Variants in CTNNA3 observed in about 807,000 individuals in gnomAD.
CTNNA3 encodes the protein catenin alpha 3, also known as catenin alpha-3.
Under a neutral mutation model 95.7 loss-of-function variants are expected in CTNNA3, and 76 were observed. The observed-to-expected ratio is 0.79, with a 90% CI of 0.66 to 0.96. The LOEUF (loss-of-function observed/expected upper bound fraction) is 0.96. Ranked by LOEUF, CTNNA3 falls within the 40% of genes least tolerant of loss-of-function variation. CTNNA3 has a pLI of 0.00. For missense variants in CTNNA3, 1,191 were observed against 1,089.8 expected, an observed-to-expected ratio of 1.09 and a Z score of -1.31; for synonymous variants, 431 against 374.4, an observed-to-expected ratio of 1.15 and a Z score of -1.74.
chr10:66,383,244 A>T (rs2092857105), intron 11 of CTNNA3, among the ~76,000 whole-genome samples: 4 of 152,178 alleles, frequency 2.6e-5, no homozygotes, highest in Admixed American at 2.0e-4. Context: ...TGTAGAGAAG[A>T]TCTTCAATGA....
chr10:67,363,579 A>G (rs1843083202), intron 5 of CTNNA3, among the ~76,000 whole-genome samples: 1 of 151,984 alleles, frequency 6.6e-6, no homozygotes, highest in Non-Finnish European at 1.5e-5. Context: ...AGCAAGACTA[A>G]TAAAGAAGAA....
chr10:67,646,259 C>T (rs1839709649), intron 2 of CTNNA3, among the ~76,000 whole-genome samples: 2 of 150,842 alleles, frequency 1.3e-5, no homozygotes, highest in South Asian at 4.2e-4. Flanking sequence ...TTAAGCGATC[C>T]TCCTGCCTTG....
At chr10:66,087,411 G>C (rs2081027440) in intron 14 of CTNNA3, among the ~76,000 whole-genome samples, 1 of 152,072 alleles carries the variant, frequency 6.6e-6, no homozygotes, top group Admixed American at 6.6e-5. Flanking sequence ...AGACAATGAT[G>C]GTGCTTCATT....
chr10:67,159,567 A>G (rs995953936), intron 7 of CTNNA3, among the ~76,000 whole-genome samples: 3 of 152,230 alleles, frequency 2.0e-5, no homozygotes, highest in Non-Finnish European at 4.4e-5. Context: ...TTAAAAATCT[A>G]CATGTGTAAA....
At chr10:66,742,794 T>C (rs1170393491) in intron 9 of CTNNA3, among the ~76,000 whole-genome samples, 1 of 152,200 alleles carries the variant, frequency 6.6e-6, no homozygotes, top group East Asian at 1.9e-4. Context: ...CCTCTTCTGG[T>C]GTTCTCAATT....
At chr10:67,148,842 T>C (rs1036276988) in intron 7 of CTNNA3, among the ~76,000 whole-genome samples, 2 of 152,238 alleles carry the variant, frequency 1.3e-5, no homozygotes, top group Non-Finnish European at 2.9e-5. Flanking sequence ...ACTTCTATCA[T>C]AGCTGTAAGA....
chr10:67,704,963 C>T lies in CTNNA3; in HGVS notation c.-1-57449G>A, dbSNP rs182522501. The stretch of plus-strand genomic sequence containing the variant: ...ACAAACAACTCCATCAAAAAGTGGG[C>T]GAACGACATGAACAGACACTCCTCA... On this transcript the variant is annotated intron_variant, in intron 1 of 17. Transcript: ENST00000684154. Among the ~76,000 whole-genome samples the T allele has an allele frequency of 7.3e-3, 1,112 of 152,148 alleles. 16 individuals are homozygous for T. Among genetic ancestry groups the T allele is most frequent in the African/African-American group, 0.025 (1,048 of 41,468 alleles).
chr10:67,603,145 T>A (rs1448259698), intron 3 of CTNNA3, among the ~76,000 whole-genome samples: 1 of 152,148 alleles, frequency 6.6e-6, no homozygotes, highest in Admixed American at 6.5e-5. Context: ...CAGAAGACAG[T>A]CATCTAAATC....
intron 7 of CTNNA3, among the ~76,000 whole-genome samples, chr10:66,897,442 A>G (rs2132512854): frequency 6.6e-6 from 1 of 152,262 alleles, no homozygotes; most frequent in South Asian, 2.1e-4. Flanking sequence ...AACAAAATTA[A>G]TTCAAAGTAA....
chr10:67,480,638 T>C (rs1848181975), intron 5 of CTNNA3, among the ~76,000 whole-genome samples: 1 of 152,242 alleles, frequency 6.6e-6, no homozygotes. Flanking sequence ...GCCTGTCCCT[T>C]TGTTTCCTGT....
At chr10:66,120,686 C>A (rs2082539074) in intron 13 of CTNNA3, among the ~76,000 whole-genome samples, 1 of 152,124 alleles carries the variant, frequency 6.6e-6, no homozygotes, top group Non-Finnish European at 1.5e-5. Flanking sequence ...TTTTTACTTT[C>A]ACTCACATTT....
chr10:66,505,235 T>C (rs1238241475), intron 11 of CTNNA3, among the ~76,000 whole-genome samples: 2 of 152,180 alleles, frequency 1.3e-5, no homozygotes, highest in African/African-American at 4.8e-5. Flanking sequence ...AAATTCCAGT[T>C]GACATGCCCA....
At chr10:67,340,488 A>G (rs1032227554) in intron 5 of CTNNA3, among the ~76,000 whole-genome samples, 1 of 152,220 alleles carries the variant, frequency 6.6e-6, no homozygotes, top group Non-Finnish European at 1.5e-5. Context: ...CTAATATATC[A>G]GGTTCAAAAA....
chr10:67,586,922 C>A (rs1484552188), intron 3 of CTNNA3, among the ~76,000 whole-genome samples: 1 of 151,938 alleles, frequency 6.6e-6, no homozygotes, highest in East Asian at 1.9e-4. Context: ...TGTAGTGGTT[C>A]CATTTGATTT....
chr10:67,208,098 C>T (rs572362901), intron 6 of CTNNA3, among the ~76,000 whole-genome samples: 11 of 152,046 alleles, frequency 7.2e-5, no homozygotes, highest in Non-Finnish European at 1.2e-4. Context: ...CCAGGCCAGG[C>T]GCGGTGGCTC....
chr10:65,956,352 T>C (rs986315097), intron 17 of CTNNA3, among the ~76,000 whole-genome samples: 3 of 152,340 alleles, frequency 2.0e-5, no homozygotes, highest in African/African-American at 7.2e-5. Context: ...CCTGGATTCA[T>C]TGAATTTTTG....
chr10:65,970,266 C>T (rs1182936045), intron 16 of CTNNA3, among the ~76,000 whole-genome samples: 1 of 151,998 alleles, frequency 6.6e-6, no homozygotes, highest in Non-Finnish European at 1.5e-5. Context: ...GTGTCAGAGA[C>T]CTTTAAGAGA....
At chr10:66,109,566 C>T (rs544370010) in intron 13 of CTNNA3, among the ~76,000 whole-genome samples, 1 of 152,190 alleles carries the variant, frequency 6.6e-6, no homozygotes, top group Admixed American at 6.5e-5. Context: ...TCACTTGGCC[C>T]AACATAGGTA....
intron 7 of CTNNA3, among the ~76,000 whole-genome samples, chr10:66,840,397 C>CAT (rs1843027250): frequency 1.3e-5 from 2 of 150,984 alleles, no homozygotes; most frequent in Admixed American, 1.3e-4. Flanking sequence ...CACACACACA[C>CAT]ACACACACAC....
Sources: gnomAD v4.1 joint callset for allele counts (sites outside exome capture counted in the v4.1 genomes callset) on GRCh38, gnomAD v4.1.1 for gene constraint, MANE v1.5 for transcripts, NCBI Gene and HGNC (gene_info 2026-07-23, HGNC 2026-07-21) for gene names.